Variants in CCDC62 observed in about 807,000 individuals in gnomAD.
CCDC62 encodes the protein coiled-coil domain containing 62.
CCDC62 carries 72 observed loss-of-function variants against 80.8 expected under a neutral mutation model. The observed-to-expected ratio is 0.89, with a 90% CI of 0.74 to 1.08. The LOEUF is 1.08. CCDC62 is among the 50% of genes least tolerant of loss of function. The pLI is 0.00. For synonymous variants in CCDC62, 286 were observed against 296.5 expected (o/e 0.96, Z 0.36); for missense variants, 704 against 809.4 (o/e 0.87, Z 1.58).
chr12:122,774,721 CGGG>C lies in CCDC62; in HGVS notation c.36+16_36+18del. 8.0e-7 allele frequency: 1 copy of C among 1,250,784 alleles called. No individual in the cohort carries two copies. 77.5% of individuals were successfully genotyped at this position (1,250,784 alleles called of 1,614,324 possible). A position where few individuals can be genotyped will look rare whatever the true frequency, so the allele number is the denominator to read the frequency against. On this transcript the variant is annotated intron_variant, in intron 1 of 12. Coordinates refer to ENST00000253079, the MANE Select transcript of CCDC62 (RefSeq NM_201435.5). The stretch of plus-strand genomic sequence containing the variant: ...CCGGGCGCCAGGTAAGCAGCGGTTC[CGGG>C]CGCGGCGGGGCGCCGCGGGAACGGT...
At chr12:122,785,441 A>G (rs540182893) in intron 3 of CCDC62, among the ~76,000 whole-genome samples, 5 of 152,340 alleles carry the variant, frequency 3.3e-5, no homozygotes, top group African/African-American at 1.2e-4. Context: ...AAGCATCACC[A>G]ACATAATTCA....
rs1168752919 is a variant in CCDC62, at chr12:122,774,578, GGCTC to G, written c.-90_-87del. ...GAGGGCGCGGGGCCCCGGGGCTCCG[GGCTC>G]GCCCCCGCCGCTCGGGGCAGGCGCG... On this transcript the variant is annotated 5_prime_UTR_variant, in exon 1 of 13. Transcript: ENST00000253079. 3.0e-6 allele frequency: 3 copies of G among 1,012,046 alleles called. No homozygotes were observed. The highest frequency in any genetic ancestry group is 3.8e-6 in the Non-Finnish European group (3 of 783,776). 62.7% of individuals were successfully genotyped at this position (1,012,046 alleles called of 1,614,324 possible). A position where few individuals can be genotyped will look rare whatever the true frequency, so the allele number is the denominator to read the frequency against.
At chr12:122,789,364 G>T (rs1304712246) in intron 5 of CCDC62, among the ~76,000 whole-genome samples, 1 of 152,180 alleles carries the variant, frequency 6.6e-6, no homozygotes, top group Non-Finnish European at 1.5e-5. Flanking sequence ...TTGCTATCAG[G>T]CTAGCCTGGG....
At chr12:122,814,628 C>T (rs559326492) in intron 11 of CCDC62, among the ~76,000 whole-genome samples, 3 of 151,570 alleles carry the variant, frequency 2.0e-5, no homozygotes, top group South Asian at 2.1e-4. Flanking sequence ...CTGTTTCAGC[C>T]TCCCAAGTAG....
intron 11 of CCDC62, among the ~76,000 whole-genome samples, chr12:122,814,504 ATTT>A (rs71440218): frequency 5.6e-5 from 7 of 125,116 alleles, no homozygotes; most frequent in African/African-American, 1.8e-4. Context: ...TGGACTTTTA[ATTT>A]TTTTTTTTTT....
intron 11 of CCDC62, among the ~76,000 whole-genome samples, chr12:122,815,731 G>A (rs967640220): frequency 1.3e-5 from 2 of 152,164 alleles, no homozygotes; most frequent in Admixed American, 1.3e-4. Flanking sequence ...ACAGACGTGA[G>A]CCACCACACC....
Position 122,801,589 on chromosome 12 carries a change from G to GCTTTT in CCDC62, c.1445_1446insTTTCT (p.Asp483PhefsTer4), listed in dbSNP as rs1167884715. On this transcript the variant is annotated frameshift_variant, in exon 9 of 13. Coordinates refer to ENST00000253079, the MANE Select transcript of CCDC62 (RefSeq NM_201435.5). LOFTEE classifies it high-confidence loss of function. ...GTCCAAGTTCAAAACATCCAGAAAA[G>GCTTTT]CTGGATGTAGAATGTCAAGATCAGA... 3 of 1,614,014 alleles carry GCTTTT rather than the reference G, an allele frequency of 1.9e-6. No homozygotes were observed. Among genetic ancestry groups the GCTTTT allele is most frequent in the South Asian group, 2.2e-5 (2 of 91,084 alleles).
chr12:122,807,240 A>G (rs930825791), intron 10 of CCDC62, among the ~76,000 whole-genome samples: 2 of 152,152 alleles, frequency 1.3e-5, no homozygotes, highest in Non-Finnish European at 1.5e-5. Context: ...AACATAAAAG[A>G]GGAAAACATC....
intron 10 of CCDC62, among the ~76,000 whole-genome samples, chr12:122,810,251 A>C (rs1273724209): frequency 3.3e-5 from 5 of 152,260 alleles, no homozygotes; most frequent in South Asian, 4.1e-4. Context: ...AATGGGAGAA[A>C]ATTTTTGCAA....
At chr12:122,789,925 C>T (rs927576266) in intron 5 of CCDC62, among the ~76,000 whole-genome samples, 1 of 151,214 alleles carries the variant, frequency 6.6e-6, no homozygotes, top group Non-Finnish European at 1.5e-5. Context: ...TAGCATGGCA[C>T]AAGGGCTACA....
At chr12:122,800,665 G>T (rs961278398) in intron 8 of CCDC62, among the ~76,000 whole-genome samples, 1 of 152,026 alleles carries the variant, frequency 6.6e-6, no homozygotes, top group Non-Finnish European at 1.5e-5. Context: ...GACCTCAGGT[G>T]ATCCACCCGC....
chr12:122,782,542 TC>T (rs1414793365), intron 3 of CCDC62, among the ~76,000 whole-genome samples: 3 of 152,110 alleles, frequency 2.0e-5, no homozygotes, highest in African/African-American at 7.2e-5. Flanking sequence ...CACCATAACC[TC>T]TGCCTCCTGG....
intron 3 of CCDC62, among the ~76,000 whole-genome samples, chr12:122,784,960 G>A (rs1190200571): frequency 6.6e-6 from 1 of 152,160 alleles, no homozygotes; most frequent in African/African-American, 2.4e-5. Flanking sequence ...CCAACGTGGC[G>A]AAACCCTGTT....
intron 9 of CCDC62, among the ~76,000 whole-genome samples, chr12:122,804,162 TG>T (rs1566081653): frequency 6.6e-6 from 1 of 152,194 alleles, no homozygotes; most frequent in East Asian, 1.9e-4. Context: ...AGGGAGAAAC[TG>T]GGGGCAGCCT....
intron 5 of CCDC62, among the ~76,000 whole-genome samples, chr12:122,790,152 G>A (rs1285394206): frequency 6.6e-6 from 1 of 152,010 alleles, no homozygotes; most frequent in Non-Finnish European, 1.5e-5. Context: ...CTGGGTTCAA[G>A]CAATTCTCCT....
At chr12:122,778,493 A>G (rs1017606328) in intron 2 of CCDC62, among the ~76,000 whole-genome samples, 80 of 152,290 alleles carry the variant, frequency 5.3e-4, no homozygotes, top group African/African-American at 1.9e-3. Flanking sequence ...AGTAGAATGC[A>G]TTAGAGGAGA....
intron 2 of CCDC62, among the ~76,000 whole-genome samples, chr12:122,780,515 G>A (rs954924963): frequency 1.3e-5 from 2 of 151,720 alleles, no homozygotes; most frequent in Non-Finnish European, 2.9e-5. Flanking sequence ...TCGGGAGGCT[G>A]AGGCAGGAGA....
chr12:122,797,522 T>C (rs746287419), intron 7 of CCDC62, 127 bp downstream of exon 7: 4 of 516,308 alleles, frequency 7.7e-6, no homozygotes, highest in Non-Finnish European at 1.4e-5. Flanking sequence ...ATTAGTTGTA[T>C]ATCATGTTTA....
Position 122,813,394 on chromosome 12 carries a change from A to G in CCDC62, c.1976A>G (p.Glu659Gly), listed in dbSNP as rs1344996922. 6.2e-7 allele frequency: 1 copy of G among 1,613,000 alleles called. No individual in the cohort carries two copies. Among genetic ancestry groups the G allele is most frequent in the African/African-American group, 1.3e-5 (1 of 74,892 alleles). ...AGCACACTGCTGCCCATCAGCCATG[A>G]GAATCTCACTGGCAGTGCCACAAAT... Reference protein sequence around the residue: ...ELSTLLPISHENLTGSATNKS... With the variant: ...ELSTLLPISHGNLTGSATNKS... Residue 659 changes from glutamate to glycine, a missense_variant, in exon 11 of 13, where the codon GAG becomes GGG. Transcript: ENST00000253079.
Sources: allele counts gnomAD v4.1 joint callset (sites outside exome capture counted in the v4.1 genomes callset), GRCh38; gene constraint gnomAD v4.1.1; transcripts MANE v1.5; gene names NCBI Gene and HGNC (gene_info 2026-07-23, HGNC 2026-07-21).